ZBTB11: variants seen among roughly 807,000 people sequenced by gnomAD.
ZBTB11 encodes the protein zinc finger and BTB domain containing 11.
A neutral mutation model predicts 113.1 loss-of-function variants in ZBTB11; 68 were observed. That is an observed-to-expected ratio of 0.60 (90% CI 0.49 to 0.74). The LOEUF is 0.74. Among genes scored for constraint, ZBTB11 ranks in the 30% least tolerant of loss-of-function variants. The pLI is 0.00. For synonymous variants in ZBTB11, 518 were observed against 452.6 expected (o/e 1.14, Z -1.83); for missense variants, 1,104 against 1,279.4 (o/e 0.86, Z 2.09).
chr3:101,665,072 G>A lies in ZBTB11; in HGVS notation c.1515C>T (p.Ser505=). 2 of 1,614,098 alleles carry A rather than the reference G, an allele frequency of 1.2e-6. No individual in the cohort carries two copies. The highest frequency in any genetic ancestry group is 1.3e-5 in the African/African-American group (1 of 75,012). Residue 505 remains serine, a synonymous_variant, in exon 4 of 11, where the codon AGC becomes AGT. Coordinates refer to ENST00000312938, the MANE Select transcript of ZBTB11 (RefSeq NM_014415.4). ...DFGPDDDTYR[S]RLRQRSVNEG... is the part of the protein sequence containing the mutation. ...CATTAACAGAACGTTGTCGAAGCCT[G>A]CTTCTATAAGTATCATCATCAGGGC...
chr3:101,664,860 C>A, intron 4 of ZBTB11, 104 bp downstream of exon 4: 2 of 1,494,954 alleles, frequency 1.3e-6, no homozygotes, highest in Non-Finnish European at 1.8e-6. Flanking sequence ...TACCTTGTAC[C>A]CATCTCACCT....
intron 1 of ZBTB11, among the ~76,000 whole-genome samples, chr3:101,673,100 T>C (rs902436576): frequency 6.6e-6 from 1 of 152,242 alleles, no homozygotes; most frequent in Admixed American, 6.5e-5. Flanking sequence ...GTTGATTATA[T>C]ACAAGCCACT....
In ZBTB11 at chr3:101,676,723, C is replaced by T; in HGVS notation, c.192G>A (p.Val64=). The T allele has an allele frequency of 6.2e-7, 1 of 1,600,358 alleles. No homozygotes were observed. Among genetic ancestry groups the T allele is most frequent in the South Asian group, 1.1e-5 (1 of 89,708 alleles). ...CCCGGCGTCGCTCCGGCTGCAGCAC[C>T]ACCTCCAGCTCCGCGAAGGTCTTGC... ...RHRKTFAELE[V]VLQPERRRDL... is the part of the protein sequence containing the mutation. Residue 64 remains valine, a synonymous_variant, in exon 1 of 11, where the codon GTG becomes GTA. Transcript: ENST00000312938.
At chr3:101,668,458 T>C (rs572334153) in intron 3 of ZBTB11, among the ~76,000 whole-genome samples, 1 of 152,002 alleles carries the variant, frequency 6.6e-6, no homozygotes, top group African/African-American at 2.4e-5. Context: ...TGAGACTCCA[T>C]CTCTATAAAC....
At position 101,649,400 on chromosome 3, in the gene ZBTB11, A is replaced by G. The variant is rs1322438491; in HGVS notation, c.*1766T>C. The G allele has an allele frequency of 6.6e-6, 1 of 152,248 alleles. No homozygotes were observed. Among genetic ancestry groups the G allele is most frequent in the Non-Finnish European group, 1.5e-5 (1 of 68,044 alleles). 9.4% of individuals were successfully genotyped at this position (152,248 alleles called of 1,614,324 possible). ...TTAATAACACATCAAGTAACAACTG[A>G]TTTATGAACTGAAAATAGTAACAAG... On this transcript the variant is annotated 3_prime_UTR_variant, in exon 11 of 11. Transcript: ENST00000312938.
intron 6 of ZBTB11, among the ~76,000 whole-genome samples, chr3:101,658,546 G>A (rs183131421): frequency 6.6e-6 from 1 of 151,696 alleles, no homozygotes; most frequent in East Asian, 2.0e-4. Context: ...TTTTTGAGAT[G>A]GAATTTTGCT....
chr3:101,676,691 A>T lies in ZBTB11; in HGVS notation c.224T>A (p.Ile75Asn). 1.3e-6 allele frequency: 2 copies of T among 1,598,366 alleles called. No homozygotes were observed. Among genetic ancestry groups the T allele is most frequent in the Non-Finnish European group, 1.7e-6 (2 of 1,171,892 alleles). ...GCCGGGACCCAGGTGCGCCGCCTCG[A>T]TGAGGTCCCGGCGTCGCTCCGGCTG... The part of the protein sequence containing the change: ...VLQPERRRDL[I>N]EAAHLGPGGT... Residue 75 changes from isoleucine (I) to asparagine (N), a missense_variant, in exon 1 of 11, where the codon ATC becomes AAC. This residue lies in a region of ZBTB11 where 245 missense variants were observed against 272.5 expected (regional missense o/e 0.90). Transcript: ENST00000312938.
chr3:101,670,524 TTAA>T (rs1263874323), intron 3 of ZBTB11: 3 of 152,248 alleles, frequency 2.0e-5, no homozygotes, highest in Non-Finnish European at 4.4e-5. Flanking sequence ...ATTATTGAAC[TTAA>T]TAAACTCTAA....
Position 101,677,090 on chromosome 3 carries a change from G to A in ZBTB11, c.-176C>T, listed in dbSNP as rs1937192015. 5.8e-6 allele frequency: 4 copies of A among 685,820 alleles called. No homozygotes were observed. Among genetic ancestry groups the A allele is most frequent in the South Asian group, 4.3e-5 (2 of 46,286 alleles). The allele number at this position is 685,820 out of a possible 1,614,324, so 42.5% of individuals were successfully genotyped here. On this transcript the variant is annotated 5_prime_UTR_variant, in exon 1 of 11. Transcript: ENST00000312938. The stretch of plus-strand genomic sequence containing the variant: ...GGAAAAGCGGGCGAGTTGGTAACCA[G>A]GGGGAACTGCACTTCTCCAGCGCGC...
At chr3:101,653,144 C>T (rs138190935) in intron 8 of ZBTB11, among the ~76,000 whole-genome samples, 6 of 152,252 alleles carry the variant, frequency 3.9e-5, no homozygotes, top group Middle Eastern at 3.4e-3. Context: ...TAGAAAGAAT[C>T]GTGCATAGTT....
chr3:101,675,739 C>T (rs961091269), intron 1 of ZBTB11, among the ~76,000 whole-genome samples: 4 of 152,200 alleles, frequency 2.6e-5, no homozygotes, highest in Non-Finnish European at 4.4e-5. Context: ...ATATACAATG[C>T]TACACAGTTC....
In ZBTB11 at chr3:101,676,929, C is replaced by T. The variant is rs536043986; in HGVS notation, c.-15G>A. 4 of 1,548,924 alleles carry T rather than the reference C, an allele frequency of 2.6e-6. No individual in the cohort carries two copies. The African/African-American group carries it at 4.1e-5, about 16-fold the overall frequency. On this transcript the variant is annotated 5_prime_UTR_variant, in exon 1 of 11. Transcript: ENST00000312938. ...TCGCTTGACATCGCGGACCGCGGCT[C>T]CCTGAGGGCGCCTGTCAGGGACAGG...
chr3:101,672,271 T>G, intron 1 of ZBTB11, 58 bp from the exon 2 acceptor site: 2 of 1,238,002 alleles, frequency 1.6e-6, no homozygotes, highest in Non-Finnish European at 2.3e-6. Flanking sequence ...ACAGAATATA[T>G]TATTTAGTCT....
At chr3:101,671,865 T>C (rs762506014) in intron 2 of ZBTB11, 113 bp downstream of exon 2, 3 of 792,338 alleles carry the variant, frequency 3.8e-6, no homozygotes, top group Non-Finnish European at 6.6e-6. Context: ...TACACTGCCA[T>C]TTTGTCTTAT....
rs142090015 is a variant in ZBTB11, at chr3:101,655,495, T to C, written c.2191+609A>G. Among the ~76,000 whole-genome samples, 757 of 152,344 alleles carry C rather than the reference T, an allele frequency of 5.0e-3. 6 individuals carry two copies. The highest frequency in any genetic ancestry group is 0.017 in the African/African-American group (720 of 41,578). On this transcript the variant is annotated intron_variant, in intron 7 of 10. Transcript: ENST00000312938. ...AAAAAAATATAAGCCAACTACTATG[T>C]TGACATTATGTCTCCCTACCATTTA...
intron 1 of ZBTB11, among the ~76,000 whole-genome samples, chr3:101,673,519 CT>C (rs34431886): frequency 4.1e-4 from 60 of 148,116 alleles, no homozygotes; most frequent in Admixed American, 5.4e-4. Flanking sequence ...GCTCCTTACA[CT>C]TTTTTTTTTT....
intron 1 of ZBTB11, among the ~76,000 whole-genome samples, chr3:101,673,519 CTTTT>C (rs34431886): frequency 6.7e-6 from 1 of 148,196 alleles, no homozygotes; most frequent in Non-Finnish European, 1.5e-5. Context: ...GCTCCTTACA[CTTTT>C]TTTTTTTTGA....
At chr3:101,660,214 T>A (rs114676083) in intron 5 of ZBTB11, among the ~76,000 whole-genome samples, 186 bp from the exon 6 acceptor site, 305 of 152,304 alleles carry the variant, frequency 2.0e-3, no homozygotes, top group African/African-American at 7.1e-3. Context: ...CTGCAGAGGC[T>A]AAAGTCTAAC....
At chr3:101,676,010 AC>A (rs1168284896) in intron 1 of ZBTB11, among the ~76,000 whole-genome samples, 5 of 152,224 alleles carry the variant, frequency 3.3e-5, no homozygotes, top group South Asian at 2.1e-4. Flanking sequence ...TTAAAAAAAA[AC>A]GCTCAAGGCG....
Sources: gnomAD v4.1 joint callset for allele counts (sites outside exome capture counted in the v4.1 genomes callset) on GRCh38, gnomAD v4.1.1 for gene constraint, gnomAD v4.1.1 regional missense constraint, MANE v1.5 for transcripts, NCBI Gene and HGNC (gene_info 2026-07-23, HGNC 2026-07-21) for gene names.